SORCS3: variants seen among roughly 807,000 people sequenced by gnomAD.
SORCS3 encodes the protein sortilin related VPS10 domain containing receptor 3, also known as VPS10 domain-containing receptor SorCS3.
SORCS3 carries 57 observed loss-of-function variants against 146.3 expected under a neutral mutation model. The ratio of observed to expected loss-of-function variants is 0.39; its 90% CI spans 0.31 to 0.49. The LOEUF is 0.49. SORCS3 is among the 20% of genes least tolerant of loss of function. SORCS3 has a pLI of 0.92. For synonymous variants in SORCS3, 653 were observed against 618.5 expected, an observed-to-expected ratio of 1.06 and a Z score of -0.83; for missense variants, 1,341 against 1,575.5, an observed-to-expected ratio of 0.85 and a Z score of 2.52.
At chr10:105,204,331 T>A (rs1381391625) in intron 16 of SORCS3, among the ~76,000 whole-genome samples, 3 of 152,158 alleles carry the variant, frequency 2.0e-5, no homozygotes, top group Non-Finnish European at 4.4e-5. Flanking sequence ...ATCAAACAAG[T>A]CTTTATTATT....
intron 22 of SORCS3, among the ~76,000 whole-genome samples, chr10:105,248,715 A>G (rs1359555875): frequency 6.9e-6 from 1 of 145,086 alleles, no homozygotes; most frequent in Non-Finnish European, 1.5e-5. Context: ...CTCCATCTCA[A>G]AAAAAAAAAA....
intron 4 of SORCS3, among the ~76,000 whole-genome samples, chr10:104,987,167 A>T (rs939128576): frequency 1.3e-5 from 2 of 152,124 alleles, no homozygotes; most frequent in Non-Finnish European, 2.9e-5. Flanking sequence ...AAGGTAAAGA[A>T]AGGAAGGAAT....
intron 1 of SORCS3, among the ~76,000 whole-genome samples, chr10:104,650,451 TG>T (rs544829031): frequency 1.1e-4 from 17 of 151,608 alleles, no homozygotes; most frequent in African/African-American, 2.7e-4. Context: ...TTTTCAATCC[TG>T]GGGGGGGCTG....
chr10:104,820,007 G>A (rs1209743337), intron 1 of SORCS3, among the ~76,000 whole-genome samples: 1 of 152,170 alleles, frequency 6.6e-6, no homozygotes, highest in Non-Finnish European at 1.5e-5. Context: ...ATCTTATCTT[G>A]AGGATGTTGG....
At chr10:105,242,342 A>G (rs1486615644) in intron 20 of SORCS3, among the ~76,000 whole-genome samples, 1 of 127,914 alleles carries the variant, frequency 7.8e-6, no homozygotes, top group Non-Finnish European at 1.6e-5. Flanking sequence ...ATTTATATAT[A>G]TATTTATACA....
At chr10:104,827,596 T>C (rs1223041329) in intron 1 of SORCS3, among the ~76,000 whole-genome samples, 1 of 152,148 alleles carries the variant, frequency 6.6e-6, no homozygotes, top group Non-Finnish European at 1.5e-5. Flanking sequence ...AGATTGAGCA[T>C]AATTCTTAAG....
intron 1 of SORCS3, among the ~76,000 whole-genome samples, chr10:104,745,594 A>G (rs1018310671): frequency 6.6e-6 from 1 of 152,174 alleles, no homozygotes; most frequent in African/African-American, 2.4e-5. Flanking sequence ...AACTCTTAAC[A>G]CAAGATCTGC....
intron 1 of SORCS3, among the ~76,000 whole-genome samples, chr10:104,758,441 C>T (rs1469377708): frequency 6.6e-6 from 1 of 152,126 alleles, no homozygotes. Flanking sequence ...CAAGTGGTCA[C>T]CCAGTATAAA....
At chr10:104,721,233 A>C (rs2016543623) in intron 1 of SORCS3, among the ~76,000 whole-genome samples, 3 of 152,204 alleles carry the variant, frequency 2.0e-5, no homozygotes, top group South Asian at 4.1e-4. Context: ...TTAAATAGGG[A>C]ATCCTTTCCC....
intron 22 of SORCS3, among the ~76,000 whole-genome samples, chr10:105,252,366 T>G (rs1199519224): frequency 6.6e-6 from 1 of 152,236 alleles, no homozygotes; most frequent in Non-Finnish European, 1.5e-5. Context: ...TTGCTCGGCT[T>G]TCTTTAAATT....
intron 1 of SORCS3, among the ~76,000 whole-genome samples, chr10:104,800,116 G>C (rs190418539): frequency 2.3e-3 from 350 of 152,234 alleles, no homozygotes; most frequent in Non-Finnish European, 4.2e-3. Context: ...TGGATAAACT[G>C]TGATACATCC....
At chr10:105,065,471 G>A (rs1471223615) in intron 5 of SORCS3, among the ~76,000 whole-genome samples, 5 of 151,798 alleles carry the variant, frequency 3.3e-5, no homozygotes, top group Non-Finnish European at 5.9e-5. Context: ...TGCACACGAC[G>A]ACCTCTGAGA....
chr10:104,867,071 G>A (rs552787657), intron 2 of SORCS3, among the ~76,000 whole-genome samples: 51 of 152,280 alleles, frequency 3.3e-4, no homozygotes, highest in African/African-American at 1.2e-3. Flanking sequence ...GATAGACCAT[G>A]TCTCTGCTCT....
At chr10:105,249,150 T>C (rs1470450319) in intron 22 of SORCS3, among the ~76,000 whole-genome samples, 2 of 152,216 alleles carry the variant, frequency 1.3e-5, no homozygotes, top group East Asian at 3.9e-4. Context: ...AATTCTCTGA[T>C]AACAAGAGCC....
intron 4 of SORCS3, among the ~76,000 whole-genome samples, chr10:105,000,418 A>G (rs1390972520): frequency 2.6e-5 from 4 of 152,010 alleles, no homozygotes; most frequent in Non-Finnish European, 2.9e-5. Flanking sequence ...CTGCTTTATT[A>G]TAAGGTGCCC....
chr10:104,675,771 C>A (rs2015906012), intron 1 of SORCS3, among the ~76,000 whole-genome samples: 1 of 152,182 alleles, frequency 6.6e-6, no homozygotes, highest in South Asian at 2.1e-4. Flanking sequence ...GCTTTATAAT[C>A]AATCTTATTA....
intron 1 of SORCS3, among the ~76,000 whole-genome samples, chr10:104,756,489 G>A (rs1188047935): frequency 6.6e-6 from 1 of 152,202 alleles, no homozygotes; most frequent in South Asian, 2.1e-4. Flanking sequence ...TTCAGCAGGG[G>A]TAAATAACTA....
chr10:104,696,657 CGT>C lies in SORCS3; in HGVS notation c.627+54704_627+54705del, dbSNP rs1318056570. Among the ~76,000 whole-genome samples the C allele has an allele frequency of 4.9e-3, 175 of 35,858 alleles. 16 individuals are homozygous for C. Among genetic ancestry groups the C allele is most frequent in the African/African-American group, 0.016 (161 of 9,966 alleles). 23.5% of individuals were successfully genotyped at this position (35,858 alleles called of 152,430 possible). A position where few individuals can be genotyped will look rare whatever the true frequency, so the allele number is the denominator to read the frequency against. ...TATTATATATAATATATATTATATACGTATATATAATATATAACATATATAAT... is the reference window on the plus strand; with the variant it reads ...TATTATATATAATATATATTATATACATATATAATATATAACATATATAAT... On this transcript the variant is annotated intron_variant, in intron 1 of 26. Transcript: ENST00000369701.
At chr10:105,171,634 G>C (rs1156972202) in intron 13 of SORCS3, among the ~76,000 whole-genome samples, 1 of 152,202 alleles carries the variant, frequency 6.6e-6, no homozygotes, top group Non-Finnish European at 1.5e-5. Flanking sequence ...AAAAGCAAAA[G>C]TGCATGTACT....
Sources: gnomAD v4.1 joint callset for allele counts (sites outside exome capture counted in the v4.1 genomes callset) on GRCh38, gnomAD v4.1.1 for gene constraint, MANE v1.5 for transcripts, NCBI Gene and HGNC (gene_info 2026-07-23, HGNC 2026-07-21) for gene names.